OMD: variants seen among roughly 807,000 people sequenced by gnomAD.
The protein encoded by OMD is osteomodulin.
Under a neutral mutation model 31.2 loss-of-function variants are expected in OMD, and 19 were observed. The ratio of observed to expected loss-of-function variants is 0.61; its 90% CI spans 0.42 to 0.89. The LOEUF (loss-of-function observed/expected upper bound fraction) is 0.89, where lower values mean the gene tolerates loss of function less well. Ranked by LOEUF, OMD falls within the 40% of genes least tolerant of loss-of-function variation. The pLI is 0.00. For synonymous variants in OMD, 155 were observed against 166.4 expected, an observed-to-expected ratio of 0.93 and a Z score of 0.53; for missense variants, 448 against 490.8, an observed-to-expected ratio of 0.91 and a Z score of 0.82.
chr9:92,416,860 AGAAG>A lies in OMD; in HGVS notation c.695_698del (p.Pro232LeufsTer8). On this transcript the variant is annotated frameshift_variant, in exon 2 of 3. Transcript: ENST00000375550. LOFTEE classifies it high-confidence loss of function. ...TTTCTAAAGACAGATACATAAGTGAAGAAGGCAAACCAGGAGGCATTGATTCTAA... is the reference window on the plus strand; with the variant it reads ...TTTCTAAAGACAGATACATAAGTGAAGCAAACCAGGAGGCATTGATTCTAA... 2 of 1,614,030 alleles carry A rather than the reference AGAAG, an allele frequency of 1.2e-6. No individual in the cohort carries two copies. The highest frequency in any genetic ancestry group is 4.5e-5 in the East Asian group (2 of 44,844).
chr9:92,414,898 TAAG>T lies in OMD; in HGVS notation c.*251_*253del. The T allele has an allele frequency of 3.3e-6, 1 of 306,014 alleles. No individual in the cohort carries two copies. The highest frequency in any genetic ancestry group is 5.9e-6 in the Non-Finnish European group (1 of 168,162). The allele number at this position is 306,014 out of a possible 1,614,324, so 19.0% of individuals were successfully genotyped here. A position where few individuals can be genotyped will look rare whatever the true frequency, so the allele number is the denominator to read the frequency against. On this transcript the variant is annotated 3_prime_UTR_variant, in exon 3 of 3. Coordinates refer to ENST00000375550, the MANE Select transcript of OMD (RefSeq NM_005014.3). ...GATATTTCTATATTTAAAAAGAGCA[TAAG>T]AAACCATTAACGTTTAATTTATGAT...
At chr9:92,415,933 A>G (rs1045140952) in intron 2 of OMD, among the ~76,000 whole-genome samples, 2 of 145,088 alleles carry the variant, frequency 1.4e-5, no homozygotes, top group Non-Finnish European at 3.0e-5. Context: ...TTGTGGAGAA[A>G]GTGAGTAAAC....
intron 1 of OMD, among the ~76,000 whole-genome samples, chr9:92,423,638 A>G (rs1446033678): frequency 6.6e-6 from 1 of 152,158 alleles, no homozygotes; most frequent in East Asian, 1.9e-4. Flanking sequence ...GTAATTAACT[A>G]AAACCCAAAG....
Position 92,412,975 on chromosome 9 carries a change from C to CTTT in OMD, c.*2174_*2176dup, listed in dbSNP as rs35323105. Among the ~76,000 whole-genome samples the CTTT allele has an allele frequency of 9.1e-4, 41 of 45,266 alleles. No individual in the cohort carries two copies. Among genetic ancestry groups the CTTT allele is most frequent in the African/African-American group, 1.2e-3 (12 of 9,876 alleles). The allele number at this position is 45,266 out of a possible 152,430, so 29.7% of individuals were successfully genotyped here. A position where few individuals can be genotyped will look rare whatever the true frequency, so the allele number is the denominator to read the frequency against. Reference sequence around the variant, plus strand: ...AATCGCTGGGTTATATGTAACTAAGCTTTTTTTTTTTTTTTTTTTTTTTTT... The same window carrying CTTT: ...AATCGCTGGGTTATATGTAACTAAGCTTTTTTTTTTTTTTTTTTTTTTTTTTTT... On this transcript the variant is annotated 3_prime_UTR_variant, in exon 3 of 3. Coordinates refer to ENST00000375550, the MANE Select transcript of OMD (RefSeq NM_005014.3).
intron 1 of OMD, 26 bp from the exon 2 acceptor site, chr9:92,417,600 T>C (rs1843657117): frequency 7.9e-7 from 1 of 1,273,374 alleles, no homozygotes; most frequent in Non-Finnish European, 1.1e-6. Context: ...AAGGAAACAT[T>C]GTGGAGAAAG....
intron 1 of OMD, among the ~76,000 whole-genome samples, chr9:92,422,338 G>A (rs1322593771): frequency 6.6e-6 from 1 of 152,182 alleles, no homozygotes; most frequent in Non-Finnish European, 1.5e-5. Context: ...ACAGGTGTGA[G>A]CCACCTGCCT....
At position 92,416,686 on chromosome 9, in the gene OMD, T is replaced by A. The variant is rs1256208672; in HGVS notation, c.873A>T (p.Lys291Asn). Residue 291 changes from lysine to asparagine, a missense_variant, in exon 2 of 3, where the codon AAA becomes AAT. Lys to Asn is a moderately conservative substitution (Grantham distance 94, BLOSUM62 0). Transcript: ENST00000375550. ...NIVELSVGHN[K>N]LKQAFYIPRN... ...TTGGAATATAGAATGCTTGCTTCAA[T>A]TTGTTGTGTCCAACACTGAGTTCTA... 6.2e-7 allele frequency: 1 copy of A among 1,611,600 alleles called. No homozygotes were observed.
At chr9:92,418,842 T>C (rs1383037267) in intron 1 of OMD, among the ~76,000 whole-genome samples, 1 of 152,168 alleles carries the variant, frequency 6.6e-6, no homozygotes, top group Non-Finnish European at 1.5e-5. Context: ...AGAATCCAAT[T>C]ATTTAGTCTC....
At position 92,412,929 on chromosome 9, in the gene OMD, T is replaced by C. The variant is rs1843484112; in HGVS notation, c.*2223A>G. ...TGTGAACATGTGTGTTCAGTTCTAT[T>C]GGGTATATAGTTAGGAATGGAATCG... is the stretch of plus-strand genomic sequence containing the variant. On this transcript the variant is annotated 3_prime_UTR_variant, in exon 3 of 3. Transcript: ENST00000375550. 1.3e-5 allele frequency among the ~76,000 whole-genome samples: 2 copies of C among 151,086 alleles called. 1 individual carries two copies. The highest frequency in any genetic ancestry group is 4.2e-4 in the South Asian group (2 of 4,802).
At chr9:92,421,776 G>A (rs1484831683) in intron 1 of OMD, among the ~76,000 whole-genome samples, 1 of 152,162 alleles carries the variant, frequency 6.6e-6, no homozygotes, top group Non-Finnish European at 1.5e-5. Context: ...TCTGTAAAGA[G>A]CAAACAGCTT....
intron 2 of OMD, among the ~76,000 whole-genome samples, chr9:92,416,103 A>ATTT (rs1196539814): frequency 1.6e-5 from 2 of 128,498 alleles, no homozygotes; most frequent in Admixed American, 8.0e-5. Context: ...TATTTATTTT[A>ATTT]TTTTTTTTTT....
intron 2 of OMD, among the ~76,000 whole-genome samples, chr9:92,416,058 G>GTATATA (rs1554760078): frequency 1.5e-4 from 19 of 130,912 alleles, no homozygotes; most frequent in East Asian, 8.7e-4. Context: ...ATATATGTGT[G>GTATATA]TATATATATA....
chr9:92,424,307 ACT>A lies in OMD; in HGVS notation c.-124_-123del, dbSNP rs1283048759. On this transcript the variant is annotated 5_prime_UTR_variant, in exon 1 of 3. Transcript: ENST00000375550. ...CTGAGTCTCTTAAAAATCCACAGTA[ACT>A]CTGTGTCCAGACAGGGCTGTCTCTT... The A allele has an allele frequency of 6.6e-6, 1 of 152,168 alleles. No individual in the cohort carries two copies. The highest frequency in any genetic ancestry group is 2.4e-5 in the African/African-American group (1 of 41,448). 9.4% of individuals were successfully genotyped at this position (152,168 alleles called of 1,614,324 possible).
chr9:92,416,251 C>T, intron 2 of OMD, among the ~76,000 whole-genome samples: 1 of 151,594 alleles, frequency 6.6e-6, no homozygotes, highest in East Asian at 1.9e-4. Context: ...AGGCACATGC[C>T]ACCATGCCTG....
In OMD at chr9:92,412,899, T is replaced by C. The variant is rs553579801; in HGVS notation, c.*2253A>G. Among the ~76,000 whole-genome samples the C allele has an allele frequency of 8.5e-5, 13 of 152,172 alleles. 1 individual carries two copies. Among genetic ancestry groups the C allele is most frequent in the Admixed American group, 8.5e-4 (13 of 15,262 alleles). On this transcript the variant is annotated 3_prime_UTR_variant, in exon 3 of 3. Transcript: ENST00000375550. ...CTGCTGTGGACATTTATATGCAAAT[T>C]TTGGTGTGAACATGTGTGTTCAGTT...
Position 92,417,356 on chromosome 9 carries a change from C to T in OMD, c.203G>A (p.Cys68Tyr). 2 of 1,614,020 alleles carry T rather than the reference C, an allele frequency of 1.2e-6. No individual in the cohort carries two copies. Among genetic ancestry groups the T allele is most frequent in the Non-Finnish European group, 1.7e-6 (2 of 1,179,972 alleles). Residue 68 changes from cysteine (C) to tyrosine (Y), a missense_variant, in exon 2 of 3, where the codon TGT (cysteine) becomes TAT (tyrosine). Coordinates refer to ENST00000375550, the MANE Select transcript of OMD (RefSeq NM_005014.3). ...CATTGATGATGGAAAGTTAGTTGGACAGAAGCATTCACTGACACAGCCTAA... is the reference window on the plus strand; with the variant it reads ...CATTGATGATGGAAAGTTAGTTGGATAGAAGCATTCACTGACACAGCCTAA... ...YTLGCVSECF[C>Y]PTNFPSSMYC...
intron 1 of OMD, among the ~76,000 whole-genome samples, chr9:92,419,457 C>T (rs1843720122): frequency 6.6e-6 from 1 of 151,946 alleles, no homozygotes; most frequent in African/African-American, 2.4e-5. Context: ...CACTCCACCA[C>T]ACCCGGCTAA....
chr9:92,423,727 C>G (rs1187925524), intron 1 of OMD, among the ~76,000 whole-genome samples: 1 of 152,044 alleles, frequency 6.6e-6, no homozygotes, highest in Admixed American at 6.6e-5. Flanking sequence ...GAAAAACATT[C>G]TATATCAGGG....
intron 2 of OMD, among the ~76,000 whole-genome samples, chr9:92,416,098 A>AT (rs1354339127): frequency 0.028 from 3,764 of 133,266 alleles, 89 homozygotes; most frequent in South Asian, 0.078. Context: ...TTATTTATTT[A>AT]TTTTATTTTT....
Sources: allele counts gnomAD v4.1 joint callset (sites outside exome capture counted in the v4.1 genomes callset), GRCh38; gene constraint gnomAD v4.1.1; transcripts MANE v1.5; gene names NCBI Gene and HGNC (gene_info 2026-07-23, HGNC 2026-07-21).